The following CDH4 variants were observed in gnomAD, a reference collection of about 807,000 sequenced individuals.
The protein encoded by CDH4 is cadherin-4.
CDH4 carries 33 observed loss-of-function variants against 86.0 expected under a neutral mutation model. The ratio of observed to expected loss-of-function variants is 0.38; its 90% confidence interval spans 0.29 to 0.51. The LOEUF (loss-of-function observed/expected upper bound fraction) is 0.51, where lower values mean the gene tolerates loss of function less well. Ranked by LOEUF, CDH4 falls within the 20% of genes least tolerant of loss-of-function variation. The pLI is 0.86. For synonymous variants in CDH4, 555 were observed against 549.4 expected, an observed-to-expected ratio of 1.01 and a Z score of -0.14; for missense variants, 1,114 against 1,307.4, an observed-to-expected ratio of 0.85 and a Z score of 2.28.
At chr20:61,647,324 C>T (rs1282792394) in intron 2 of CDH4, among the ~76,000 whole-genome samples, 1 of 152,152 alleles carries the variant, frequency 6.6e-6, no homozygotes, top group Non-Finnish European at 1.5e-5. Context: ...AGGCATCTCC[C>T]TCACGCTTTG....
chr20:61,338,341 G>T (rs2084631016), intron 2 of CDH4, among the ~76,000 whole-genome samples: 1 of 152,104 alleles, frequency 6.6e-6, no homozygotes, highest in African/African-American at 2.4e-5. Flanking sequence ...GGTTTTTCCT[G>T]CACCTAAAAA....
At chr20:61,551,585 G>A (rs551470278) in intron 2 of CDH4, among the ~76,000 whole-genome samples, 55 of 152,304 alleles carry the variant, frequency 3.6e-4, no homozygotes, top group African/African-American at 1.2e-3. Context: ...AGGGAACCAC[G>A]TGACTTCCCC....
chr20:61,557,695 C>T (rs1256442587), intron 2 of CDH4, among the ~76,000 whole-genome samples: 1 of 152,110 alleles, frequency 6.6e-6, no homozygotes, highest in Non-Finnish European at 1.5e-5. Context: ...GGATATGCTT[C>T]GATTTCGGCG....
intron 4 of CDH4, among the ~76,000 whole-genome samples, chr20:61,794,217 T>C (rs1979398150): frequency 6.6e-6 from 1 of 151,422 alleles, no homozygotes; most frequent in African/African-American, 2.4e-5. Context: ...TGTTTAAGCC[T>C]GGGCCCCTGG....
rs376386920 is a variant in CDH4 at position 61,556,114 on chromosome 20, C to T, written c.170-187449C>T. Among the ~76,000 whole-genome samples, 6 of 152,252 alleles carry T rather than the reference C, an allele frequency of 3.9e-5. No individual in the cohort carries two copies. The East Asian group carries it at 5.8e-4, about 15-fold the overall frequency. On this transcript the variant is annotated intron_variant, in intron 2 of 15. Coordinates refer to ENST00000614565, the MANE Select transcript of CDH4 (RefSeq NM_001794.5). ...TCCTGCCTTTCTCGGTCAGAGCAGC[C>T]GTGACCACAGAAGTTTGCCAGGGAT...
At chr20:61,661,259 C>A (rs1003429608) in intron 2 of CDH4, among the ~76,000 whole-genome samples, 1 of 152,206 alleles carries the variant, frequency 6.6e-6, no homozygotes, top group Admixed American at 6.5e-5. Context: ...ACCCCCCAGG[C>A]TCTCACCAGG....
intron 2 of CDH4, among the ~76,000 whole-genome samples, chr20:61,730,173 G>A (rs148182684): frequency 6.6e-6 from 1 of 152,246 alleles, no homozygotes; most frequent in African/African-American, 2.4e-5. Flanking sequence ...ACACAGTCCA[G>A]GCTCCAGGAG....
At chr20:61,653,544 G>A (rs1347266711) in intron 2 of CDH4, among the ~76,000 whole-genome samples, 3 of 142,076 alleles carry the variant, frequency 2.1e-5, no homozygotes, top group Non-Finnish European at 3.1e-5. Flanking sequence ...CTCCCGGACG[G>A]GGTGGCTGGC....
At chr20:61,696,041 C>G (rs1422099825) in intron 2 of CDH4, among the ~76,000 whole-genome samples, 1 of 152,238 alleles carries the variant, frequency 6.6e-6, no homozygotes, top group African/African-American at 2.4e-5. Context: ...ACCTCCTAGC[C>G]TACAGGTCTG....
At chr20:61,598,729 C>T (rs6142805) in intron 2 of CDH4, among the ~76,000 whole-genome samples, 4,723 of 152,292 alleles carry the variant, frequency 0.031, 212 homozygotes, top group East Asian at 0.22. Flanking sequence ...TCACCCTCTT[C>T]TCCACGCGTC....
chr20:61,695,755 C>T (rs2145878152), intron 2 of CDH4, among the ~76,000 whole-genome samples: 1 of 152,246 alleles, frequency 6.6e-6, no homozygotes, highest in East Asian at 1.9e-4. Context: ...TCTCATCTAG[C>T]TGGGGACGCT....
At chr20:61,755,988 GGGGT>G (rs369494484) in intron 3 of CDH4, among the ~76,000 whole-genome samples, 374 of 152,312 alleles carry the variant, frequency 2.5e-3, no homozygotes, top group African/African-American at 8.4e-3. Flanking sequence ...AGGCTCACTT[GGGGT>G]GTTCACCACG....
intron 2 of CDH4, among the ~76,000 whole-genome samples, chr20:61,274,504 G>C (rs527613598): frequency 4.7e-5 from 7 of 147,486 alleles, no homozygotes; most frequent in African/African-American, 1.8e-4. Context: ...CAGTTTGGGG[G>C]AGTATTGGGG....
intron 2 of CDH4, among the ~76,000 whole-genome samples, chr20:61,584,967 G>A (rs144961401): frequency 2.2e-4 from 33 of 152,302 alleles, no homozygotes; most frequent in African/African-American, 7.0e-4. Context: ...AGCCATCGCC[G>A]ATGTGAGGCC....
intron 2 of CDH4, among the ~76,000 whole-genome samples, chr20:61,258,329 C>CAAAAAAAAAAAAA (rs778048684): frequency 2.7e-4 from 17 of 62,330 alleles, no homozygotes; most frequent in Admixed American, 5.1e-4. Flanking sequence ...GACTCCGTCT[C>CAAAAAAAAAAAAA]AAAAAAAAAA....
At position 61,361,745 on chromosome 20, in the gene CDH4, G is replaced by A. The variant is rs2123319756; in HGVS notation, c.169+106808G>A. Among the ~76,000 whole-genome samples, 2 of 152,330 alleles carry A rather than the reference G, an allele frequency of 1.3e-5. 1 individual carries two copies. Among genetic ancestry groups the A allele is most frequent in the South Asian group, 4.1e-4 (2 of 4,826 alleles). On this transcript the variant is annotated intron_variant, in intron 2 of 15. Transcript: ENST00000614565. ...AAAGCGGTGCAGGCATGAAGCCAGG[G>A]CAATGAGGCTTTCATCAGTCTGTGC...
chr20:61,778,943 A>T (rs1393682306), intron 4 of CDH4, among the ~76,000 whole-genome samples: 19 of 152,316 alleles, frequency 1.2e-4, no homozygotes, highest in Admixed American at 5.2e-4. Flanking sequence ...GAGAGAGGAT[A>T]TAGAGCTCTC....
At chr20:61,723,860 T>TTGC (rs2088073395) in intron 2 of CDH4, among the ~76,000 whole-genome samples, 1 of 152,176 alleles carries the variant, frequency 6.6e-6, no homozygotes, top group African/African-American at 2.4e-5. Context: ...TGCAAGCGGC[T>TTGC]GGCGGCTCCA....
intron 2 of CDH4, among the ~76,000 whole-genome samples, chr20:61,411,991 C>T (rs1047212321): frequency 3.3e-5 from 5 of 152,210 alleles, no homozygotes; most frequent in Non-Finnish European, 7.3e-5. Flanking sequence ...CTGCCTCATC[C>T]AGAAGGACAC....
Sources: allele counts gnomAD v4.1 joint callset (sites outside exome capture counted in the v4.1 genomes callset), GRCh38; gene constraint gnomAD v4.1.1; transcripts MANE v1.5; gene names NCBI Gene and HGNC (gene_info 2026-07-23, HGNC 2026-07-21).